The following PRKD1 variants were observed in gnomAD, a reference collection of about 807,000 sequenced individuals.
PRKD1 encodes the protein serine/threonine-protein kinase D1.
A neutral mutation model predicts 95.9 loss-of-function variants in PRKD1; 63 were observed. The ratio of observed to expected loss-of-function variants is 0.66; its 90% CI spans 0.54 to 0.81. The LOEUF is 0.81. Ranked by LOEUF, PRKD1 falls within the 30% of genes least tolerant of loss-of-function variation. The pLI, the probability that PRKD1 is intolerant of heterozygous loss-of-function variation, is 0.00. For missense variants in PRKD1, 1,048 were observed against 1,165.3 expected (o/e 0.90, Z 1.47); for synonymous variants, 425 against 423.1 (o/e 1.00, Z -0.05).
At chr14:29,898,625 T>G (rs1894213304) in intron 1 of PRKD1, among the ~76,000 whole-genome samples, 1 of 152,186 alleles carries the variant, frequency 6.6e-6, no homozygotes, top group African/African-American at 2.4e-5. Flanking sequence ...TTTATTGTCT[T>G]CAAACACCAC....
At chr14:29,674,349 G>T (rs1298003749) in intron 2 of PRKD1, among the ~76,000 whole-genome samples, 1 of 152,062 alleles carries the variant, frequency 6.6e-6, no homozygotes, top group Admixed American at 6.6e-5. Flanking sequence ...TAATTAAATG[G>T]AGCTGGGTCC....
At chr14:29,587,800 CCTT>C (rs1485608188) in intron 16 of PRKD1, among the ~76,000 whole-genome samples, 4 of 152,020 alleles carry the variant, frequency 2.6e-5, no homozygotes, top group Non-Finnish European at 4.4e-5. Flanking sequence ...TTGGAAAGTT[CCTT>C]CTTATTGTAT....
At chr14:29,893,058 T>C (rs1400753669) in intron 1 of PRKD1, among the ~76,000 whole-genome samples, 1 of 152,190 alleles carries the variant, frequency 6.6e-6, no homozygotes, top group Non-Finnish European at 1.5e-5. Context: ...AAATGGCTAG[T>C]AATGGACCTT....
chr14:29,739,571 A>G (rs1003245133), intron 1 of PRKD1, among the ~76,000 whole-genome samples: 11 of 152,220 alleles, frequency 7.2e-5, no homozygotes, highest in African/African-American at 2.7e-4. Flanking sequence ...GAATCTTTTG[A>G]AATTAAAGTT....
intron 1 of PRKD1, among the ~76,000 whole-genome samples, chr14:29,770,289 A>G (rs575077391): frequency 9.2e-5 from 14 of 152,376 alleles, no homozygotes; most frequent in African/African-American, 3.4e-4. Flanking sequence ...CAAATACCTA[A>G]AAGCATGGAA....
chr14:29,663,987 C>T (rs372774007), intron 3 of PRKD1, 128 bp from the exon 4 acceptor site: 264 of 1,006,270 alleles, frequency 2.6e-4, no homozygotes, highest in African/African-American at 2.3e-3. Context: ...TGGAAATTCA[C>T]ATTTTCTTTT....
chr14:29,579,918 C>T (rs1402096712), intron 16 of PRKD1, among the ~76,000 whole-genome samples: 2 of 152,098 alleles, frequency 1.3e-5, no homozygotes, highest in Non-Finnish European at 1.5e-5. Context: ...CTGTGAACTG[C>T]GTATAGGGCA....
intron 1 of PRKD1, among the ~76,000 whole-genome samples, chr14:29,848,360 TCCCACTCCA>T (rs1279126028): frequency 1.3e-5 from 2 of 151,996 alleles, no homozygotes; most frequent in Non-Finnish European, 2.9e-5. Context: ...CCAGTACTCT[TCCCACTCCA>T]CCCACACACA....
Position 29,902,988 on chromosome 14 carries a change from G to A in PRKD1, c.264+24261C>T, listed in dbSNP as rs563027111. Among the ~76,000 whole-genome samples the A allele has an allele frequency of 5.3e-5, 8 of 152,312 alleles. No homozygotes were observed. In the East Asian group the frequency reaches 1.2e-3, roughly 22 times the overall value. On this transcript the variant is annotated intron_variant, in intron 1 of 17. Coordinates refer to ENST00000331968, the MANE Select transcript of PRKD1 (RefSeq NM_002742.3). ...AGTGGGAACAGAATTTAAAATCCAC[G>A]TTATAATGCCCTATATTCCTGCCCT...
At chr14:29,742,927 C>T (rs888430641) in intron 1 of PRKD1, among the ~76,000 whole-genome samples, 1 of 152,134 alleles carries the variant, frequency 6.6e-6, no homozygotes, top group Admixed American at 6.5e-5. Flanking sequence ...AGAGCCCTCA[C>T]CCCCATGAAG....
chr14:29,705,153 C>T lies in PRKD1; in HGVS notation c.403+20383G>A, dbSNP rs190094208. Among the ~76,000 whole-genome samples the T allele has an allele frequency of 5.8e-4, 89 of 152,206 alleles. 2 individuals are homozygous for T. Among genetic ancestry groups the T allele is most frequent in the African/African-American group, 2.0e-3 (84 of 41,568 alleles). The stretch of plus-strand genomic sequence containing the variant: ...CTAAAGACGATGATCTGAATAACCA[C>T]TATCCTTATTTTATCCCTGAAATTT... On this transcript the variant is annotated intron_variant, in intron 2 of 17. Transcript: ENST00000331968.
At chr14:29,594,552 G>A (rs1035275580) in intron 16 of PRKD1, among the ~76,000 whole-genome samples, 7 of 152,162 alleles carry the variant, frequency 4.6e-5, no homozygotes, top group African/African-American at 9.7e-5. Context: ...GCCCAAAGAA[G>A]GTAAGTGATG....
intron 1 of PRKD1, among the ~76,000 whole-genome samples, chr14:29,736,582 G>C (rs1594471759): frequency 6.6e-6 from 1 of 152,194 alleles, no homozygotes; most frequent in East Asian, 1.9e-4. Context: ...GATCAGTTCT[G>C]TGTTTCTCAG....
At chr14:29,892,755 G>C (rs538068852) in intron 1 of PRKD1, among the ~76,000 whole-genome samples, 122 of 152,236 alleles carry the variant, frequency 8.0e-4, no homozygotes, top group Non-Finnish European at 7.4e-5. Flanking sequence ...CTTTAAAACT[G>C]ATTATTAGAA....
chr14:29,799,728 A>G (rs1387050806), intron 1 of PRKD1, among the ~76,000 whole-genome samples: 3 of 152,194 alleles, frequency 2.0e-5, no homozygotes, highest in Non-Finnish European at 2.9e-5. Flanking sequence ...AAATTCATCT[A>G]CTTGCTAAAA....
At chr14:29,850,453 AACAC>A (rs57312847) in intron 1 of PRKD1, among the ~76,000 whole-genome samples, 9,158 of 147,790 alleles carry the variant, frequency 0.062, 440 homozygotes, top group African/African-American at 0.13. Context: ...CCCCATTCAA[AACAC>A]ACACACACAC....
intron 2 of PRKD1, among the ~76,000 whole-genome samples, chr14:29,715,497 G>A (rs1315775680): frequency 6.6e-6 from 1 of 152,020 alleles, no homozygotes; most frequent in Non-Finnish European, 1.5e-5. Context: ...TAGATAAATG[G>A]TTGCACTGCA....
At chr14:29,695,212 C>G (rs1276777710) in intron 2 of PRKD1, among the ~76,000 whole-genome samples, 1 of 122,554 alleles carries the variant, frequency 8.2e-6, no homozygotes, top group Admixed American at 9.5e-5. Context: ...CCAGCCTGGG[C>G]AACAAGAGGG....
At chr14:29,826,722 CATATATAT>C (rs1214723122) in intron 1 of PRKD1, among the ~76,000 whole-genome samples, 74 of 67,134 alleles carry the variant, frequency 1.1e-3, no homozygotes, top group Non-Finnish European at 1.6e-3. Context: ...TATATATATA[CATATATAT>C]ACACATATAT....
Sources: allele counts gnomAD v4.1 joint callset (sites outside exome capture counted in the v4.1 genomes callset), GRCh38; gene constraint gnomAD v4.1.1; transcripts MANE v1.5; gene names NCBI Gene and HGNC (gene_info 2026-07-23, HGNC 2026-07-21).